KLRB1: variants seen among roughly 807,000 people sequenced by gnomAD.
KLRB1 encodes the protein killer cell lectin-like receptor subfamily B member 1.
A neutral mutation model predicts 33.5 loss-of-function variants in KLRB1; 27 were observed. The observed-to-expected ratio is 0.81, with a 90% confidence interval of 0.59 to 1.11. The LOEUF (loss-of-function observed/expected upper bound fraction) is 1.11, where lower values mean the gene tolerates loss of function less well. Ranked by LOEUF, KLRB1 falls within the 50% of genes most tolerant of loss-of-function variation. The pLI is 0.00. For missense variants in KLRB1, 241 were observed against 254.1 expected (o/e 0.95, Z 0.35); for synonymous variants, 64 against 88.9 (o/e 0.72, Z 1.58).
Position 9,599,790 on chromosome 12 carries a change from T to C in KLRB1, c.236A>G (p.Gln79Arg). Reference protein sequence around the residue: ...SSIEKCSVDIQQSRNKTTERP... With the variant: ...SSIEKCSVDIRQSRNKTTERP... ...ACCTGTTGTTTTATTCCTGCTCTGT[T>C]GAATGTCCACACTGCATTTTTCTAT... is the stretch of plus-strand genomic sequence containing the variant. The change falls in exon 3 of 6, where the codon CAA becomes CGA. Residue 79 changes from glutamine to arginine, a missense_variant. Physicochemically the swap from Gln to Arg is conservative, Grantham distance 43. Coordinates refer to ENST00000229402, the MANE Select transcript of KLRB1 (RefSeq NM_002258.3). 6.2e-7 allele frequency: 1 copy of C among 1,605,320 alleles called. No individual in the cohort carries two copies. Among genetic ancestry groups the C allele is most frequent in the East Asian group, 2.2e-5 (1 of 44,792 alleles).
rs1864513326 is a variant in KLRB1, at chr12:9,598,592, T to A, written c.321A>T (p.Leu107Phe). ...TCCAAGGGTTGACAGTGTGAGAAAA[T>A]AACAAGCATTTCTCTCGGAGTTGCT... ...YWQQLREKCLLFSHTVNPWNN... is the reference protein window; with the variant it reads ...YWQQLREKCLFFSHTVNPWNN... Residue 107 changes from leucine to phenylalanine, a missense_variant, in exon 4 of 6, where the codon TTA becomes TTT. Coordinates refer to ENST00000229402, the MANE Select transcript of KLRB1 (RefSeq NM_002258.3). The A allele has an allele frequency of 6.2e-7, 1 of 1,612,922 alleles. No individual in the cohort carries two copies. The highest frequency in any genetic ancestry group is 8.5e-7 in the Non-Finnish European group (1 of 1,179,202).
intron 1 of KLRB1, among the ~76,000 whole-genome samples, chr12:9,601,881 T>TAG (rs1162965662): frequency 6.6e-6 from 1 of 152,168 alleles, no homozygotes; most frequent in Non-Finnish European, 1.5e-5. Flanking sequence ...CCAAATGAGA[T>TAG]AGATAGAAAG....
chr12:9,599,982 A>T (rs1591656424), intron 2 of KLRB1, 141 bp from the exon 3 acceptor site: 1 of 3,856 alleles, frequency 2.6e-4, no homozygotes, highest in Non-Finnish European at 1.8e-3. Context: ...CGAAGTGGTA[A>T]AAAAAAAAAA....
intron 2 of KLRB1, among the ~76,000 whole-genome samples, chr12:9,600,484 G>C (rs1864528980): frequency 6.6e-6 from 1 of 152,188 alleles, no homozygotes; most frequent in South Asian, 2.1e-4. Flanking sequence ...AAGCAAGAGA[G>C]ATCAGATTGT....
chr12:9,607,710 T>G (rs1864639361), intron 1 of KLRB1, 45 bp downstream of exon 1: 1 of 1,230,278 alleles, frequency 8.1e-7, no homozygotes, highest in Non-Finnish European at 1.2e-6. Context: ...AAGATCTAAT[T>G]CTGGAAGACA....
In KLRB1 at chr12:9,595,351, AC is replaced by A; in HGVS notation, c.600del (p.Glu200AspfsTer15). The A allele has an allele frequency of 5.6e-6, 9 of 1,612,636 alleles. No homozygotes were observed. Among genetic ancestry groups the A allele is most frequent in the Non-Finnish European group, 6.8e-6 (8 of 1,178,812 alleles). ...ATCCATCTGATTTCTGTACTACAGT[AC>A]TCAGAATACACAGATGTCTGTGAGA... ...ISISQTSVYS[E>X]YCSTEIRWIC... is the part of the protein sequence containing the mutation. On this transcript the variant is annotated frameshift_variant, in exon 6 of 6. Coordinates refer to ENST00000229402, the MANE Select transcript of KLRB1 (RefSeq NM_002258.3). LOFTEE classifies it high-confidence loss of function.
chr12:9,598,158 G>T lies in KLRB1; in HGVS notation c.418C>A (p.His140Asn), dbSNP rs754657960. 1.6e-5 allele frequency: 26 copies of T among 1,587,806 alleles called. 1 individual carries two copies. The South Asian group carries it at 2.7e-4, about 16-fold the overall frequency. ...TTGTCACGTATCAGGTTCTGTGTGT[G>T]TATCTATAAATGGAACAGAAAAATA... ...LLIRDKDELI[H>N]TQNLIRDKAI... Residue 140 changes from histidine (H) to asparagine (N), a missense_variant, in exon 5 of 6, where the codon CAC becomes AAC. Transcript: ENST00000229402.
Position 9,594,829 on chromosome 12 carries a change from C to T in KLRB1, c.*445G>A, listed in dbSNP as rs1339106001. 5 of 156,006 alleles carry T rather than the reference C, an allele frequency of 3.2e-5. No homozygotes were observed. The highest frequency in any genetic ancestry group is 7.1e-5 in the Non-Finnish European group (5 of 70,684). The allele number at this position is 156,006 out of a possible 1,614,324, so 9.7% of individuals were successfully genotyped here. On this transcript the variant is annotated 3_prime_UTR_variant, in exon 6 of 6. Coordinates refer to ENST00000229402, the MANE Select transcript of KLRB1 (RefSeq NM_002258.3). Reference sequence around the variant, plus strand: ...CTTTATTCAGGTTCATTGCAGCATCCAATTCCAGGTCTCTGGCGATAAGAG... The same window carrying T: ...CTTTATTCAGGTTCATTGCAGCATCTAATTCCAGGTCTCTGGCGATAAGAG...
At chr12:9,607,335 C>CCTTTCTTTCTTCCTTT (rs1864622244) in intron 1 of KLRB1, among the ~76,000 whole-genome samples, 62 of 65,252 alleles carry the variant, frequency 9.5e-4, no homozygotes, top group African/African-American at 2.5e-3. Context: ...CTCTTTCTTT[C>CCTTTCTTTCTTCCTTT]CTTTCTTTCT....
chr12:9,605,222 C>G (rs202056653), intron 1 of KLRB1, among the ~76,000 whole-genome samples: 1 of 152,176 alleles, frequency 6.6e-6, no homozygotes, highest in African/African-American at 2.4e-5. Context: ...CACATTTTCT[C>G]AATCCAGTCT....
intron 1 of KLRB1, among the ~76,000 whole-genome samples, chr12:9,607,359 T>TCTTTCTTTCTTC (rs1565444624): frequency 3.2e-5 from 1 of 31,500 alleles, no homozygotes; most frequent in Non-Finnish European, 1.3e-4. Flanking sequence ...TTTCTTCCTT[T>TCTTTCTTTCTTC]CTTTCTTTCT....
At chr12:9,596,100 G>A (rs1280794419) in intron 5 of KLRB1, among the ~76,000 whole-genome samples, 2 of 152,138 alleles carry the variant, frequency 1.3e-5, no homozygotes, top group Non-Finnish European at 2.9e-5. Flanking sequence ...GCTGTATTGG[G>A]GTTGAGTTGC....
At chr12:9,600,539 T>C (rs1238140753) in intron 2 of KLRB1, among the ~76,000 whole-genome samples, 1 of 152,212 alleles carries the variant, frequency 6.6e-6, no homozygotes, top group Admixed American at 6.5e-5. Flanking sequence ...GACTCCTTTT[T>C]GTTATGTACT....
intron 5 of KLRB1, 113 bp from the exon 6 acceptor site, chr12:9,595,534 A>G: frequency 1.1e-6 from 1 of 944,668 alleles, no homozygotes; most frequent in Non-Finnish European, 1.7e-6. Context: ...AAACTATTAA[A>G]CAAAGAAGGC....
intron 1 of KLRB1, among the ~76,000 whole-genome samples, chr12:9,607,313 C>CT (rs1555097735): frequency 8.0e-5 from 8 of 100,478 alleles, no homozygotes; most frequent in Admixed American, 4.4e-4. Context: ...TTCTTTCTTT[C>CT]TTCTTTTCTT....
In KLRB1 at chr12:9,599,827, G is replaced by C; in HGVS notation, c.199C>G (p.Gln67Glu). The change falls in exon 3 of 6, where the codon CAG (glutamine) becomes GAG (glutamate). Residue 67 changes from glutamine to glutamate, a missense_variant. Physicochemically the swap from Gln to Glu is conservative, Grantham distance 29. Coordinates refer to ENST00000229402, the MANE Select transcript of KLRB1 (RefSeq NM_002258.3). ...GLSVSVTSLI[Q>E]KSSIEKCSVD... ...CTGCATTTTTCTATTGATGATTTCTGTATTAAGGATGTCACTAGTACATAA... is the reference window on the plus strand; with the variant it reads ...CTGCATTTTTCTATTGATGATTTCTCTATTAAGGATGTCACTAGTACATAA... 6.3e-7 allele frequency: 1 copy of C among 1,591,214 alleles called. No homozygotes were observed. The highest frequency in any genetic ancestry group is 1.7e-4 in the Middle Eastern group (1 of 6,002).
chr12:9,607,378 T>TTCTTTCTTTCTTTCTTTCTC (rs1864629076), intron 1 of KLRB1, among the ~76,000 whole-genome samples: 31 of 93,032 alleles, frequency 3.3e-4, no homozygotes, highest in South Asian at 9.2e-4. Flanking sequence ...CTTTCTTTCT[T>TTCTTTCTTTCTTTCTTTCTC]TCTTTCTTTC....
Position 9,598,529 on chromosome 12 carries a change from G to A in KLRB1, c.384C>T (p.Ser128=), listed in dbSNP as rs758986677. The A allele has an allele frequency of 6.2e-7, 1 of 1,612,200 alleles. No individual in the cohort carries two copies. Among genetic ancestry groups the A allele is most frequent in the Non-Finnish European group, 8.5e-7 (1 of 1,179,054 alleles). The change falls in exon 4 of 6, where the codon AGC becomes AGT. Residue 128 remains serine (S), a synonymous_variant. Transcript: ENST00000229402. ...SLADCSTKES[S]LLLIRDKDEL... ...CATCCTTATCTCGAATAAGCAGCAG[G>A]CTGGATTCTTTGGTGGAACAATCAG...
At chr12:9,607,405 T>TCTC (rs1864631558) in intron 1 of KLRB1, among the ~76,000 whole-genome samples, 3 of 48,030 alleles carry the variant, frequency 6.2e-5, no homozygotes, top group African/African-American at 1.2e-4. Flanking sequence ...TCTTTCTTTC[T>TCTC]TTTCTTTCTT....
Sources: allele counts gnomAD v4.1 joint callset (sites outside exome capture counted in the v4.1 genomes callset), GRCh38; gene constraint gnomAD v4.1.1; transcripts MANE v1.5; gene names NCBI Gene and HGNC (gene_info 2026-07-23, HGNC 2026-07-21).